The following LAMA2 variants were observed in gnomAD, a reference collection of about 807,000 sequenced individuals.
LAMA2 encodes laminin subunit alpha 2, also known as laminin subunit alpha-2.
LAMA2 carries 269 observed loss-of-function variants against 364.8 expected under a neutral mutation model. The ratio of observed to expected loss-of-function variants is 0.74; its 90% CI spans 0.67 to 0.82. The LOEUF (loss-of-function observed/expected upper bound fraction) is 0.82. Among genes scored for constraint, LAMA2 ranks in the 40% least tolerant of loss-of-function variants. The pLI is 0.00. For missense variants in LAMA2, 3,807 were observed against 3,873.2 expected (o/e 0.98, Z 0.45); for synonymous variants, 1,379 against 1,370.6 (o/e 1.01, Z -0.14).
intron 35 of LAMA2, among the ~76,000 whole-genome samples, chr6:129,389,485 C>G (rs183834518): frequency 6.6e-6 from 1 of 152,116 alleles, no homozygotes; most frequent in African/African-American, 2.4e-5. Flanking sequence ...ATCTGGCATC[C>G]CTTTTATAAG....
chr6:129,321,885 G>T (rs1216370940), intron 28 of LAMA2, among the ~76,000 whole-genome samples: 1 of 152,120 alleles, frequency 6.6e-6, no homozygotes, highest in African/African-American at 2.4e-5. Flanking sequence ...ATCATGAAAA[G>T]AAAAAGGAAT....
intron 12 of LAMA2, among the ~76,000 whole-genome samples, chr6:129,213,995 T>A (rs1029036169): frequency 3.3e-5 from 5 of 152,210 alleles, no homozygotes; most frequent in African/African-American, 1.2e-4. Flanking sequence ...TTTTATATGA[T>A]CCATTTTGAG....
chr6:129,198,861 T>C (rs938499360), intron 12 of LAMA2, among the ~76,000 whole-genome samples: 1 of 152,144 alleles, frequency 6.6e-6, no homozygotes, highest in Admixed American at 6.5e-5. Context: ...AGTAATTGAA[T>C]CAGCAGTCAA....
chr6:128,917,770 G>T (rs1322911037), intron 1 of LAMA2, among the ~76,000 whole-genome samples: 1 of 109,590 alleles, frequency 9.1e-6, no homozygotes, highest in African/African-American at 3.7e-5. Context: ...CTCTTACTCC[G>T]TTGCCCAGGC....
At position 128,965,407 on chromosome 6, in the gene LAMA2, T is replaced by A. The variant is rs192585864; in HGVS notation, c.112+82050T>A. ...TGTGTATTTTAGAAAACACAAATTC[T>A]GTTATATTCCAGGAGGAAGGAAATT... On this transcript the variant is annotated intron_variant, in intron 1 of 64. Transcript: ENST00000421865. Among the ~76,000 whole-genome samples, 236 of 152,236 alleles carry A rather than the reference T, an allele frequency of 1.6e-3. 2 individuals are homozygous for A. The highest frequency in any genetic ancestry group is 5.3e-3 in the African/African-American group (222 of 41,592).
intron 1 of LAMA2, among the ~76,000 whole-genome samples, chr6:128,913,841 A>G (rs567107275): frequency 6.6e-6 from 1 of 152,280 alleles, no homozygotes; most frequent in African/African-American, 2.4e-5. Flanking sequence ...AGGGAAAAGA[A>G]AATTCGTCTG....
chr6:129,235,214 C>T (rs910804729), intron 12 of LAMA2, among the ~76,000 whole-genome samples: 1 of 152,050 alleles, frequency 6.6e-6, no homozygotes, highest in African/African-American at 2.4e-5. Context: ...TATTTCAGTA[C>T]GTAGAGTTTG....
chr6:129,411,696 A>C (rs1780548327), intron 40 of LAMA2, among the ~76,000 whole-genome samples: 1 of 152,160 alleles, frequency 6.6e-6, no homozygotes, highest in African/African-American at 2.4e-5. Flanking sequence ...GATAAGAAGC[A>C]CTGAACTACT....
chr6:129,133,818 G>C (rs368111713), intron 4 of LAMA2, among the ~76,000 whole-genome samples: 3 of 151,982 alleles, frequency 2.0e-5, no homozygotes, highest in Admixed American at 6.6e-5. Flanking sequence ...TATTTATACA[G>C]CTTTTCATTT....
chr6:128,969,691 A>G (rs1174430467), intron 1 of LAMA2, among the ~76,000 whole-genome samples: 1 of 152,176 alleles, frequency 6.6e-6, no homozygotes, highest in Non-Finnish European at 1.5e-5. Flanking sequence ...TAGACCTCCC[A>G]AAGTGCTGGG....
intron 37 of LAMA2, among the ~76,000 whole-genome samples, chr6:129,398,181 T>C (rs1562527496): frequency 1.3e-5 from 2 of 152,224 alleles, no homozygotes; most frequent in Non-Finnish European, 2.9e-5. Context: ...TTGTAAAAGA[T>C]TCTTGTGTTT....
At chr6:129,033,141 T>G (rs1786356040) in intron 1 of LAMA2, among the ~76,000 whole-genome samples, 1 of 151,432 alleles carries the variant, frequency 6.6e-6, no homozygotes, top group African/African-American at 2.4e-5. Flanking sequence ...TGGAAGTGGG[T>G]AAGATTTGGG....
intron 35 of LAMA2, among the ~76,000 whole-genome samples, chr6:129,388,782 A>G (rs888614192): frequency 3.2e-4 from 48 of 152,192 alleles, no homozygotes; most frequent in African/African-American, 1.1e-3. Context: ...CTTCATTTTA[A>G]AAAGTGAGTA....
At chr6:128,893,337 C>T (rs1219399416) in intron 1 of LAMA2, among the ~76,000 whole-genome samples, 1 of 151,682 alleles carries the variant, frequency 6.6e-6, no homozygotes, top group African/African-American at 2.4e-5. Flanking sequence ...AAGTTTTGCT[C>T]CACCCCCTTT....
At chr6:129,400,338 T>C (rs2326816) in intron 37 of LAMA2, among the ~76,000 whole-genome samples, 85,385 of 152,028 alleles carry the variant, frequency 0.56, 24,468 homozygotes, top group African/African-American at 0.67. Context: ...CTTTACTTAT[T>C]CAATTTCCCA....
intron 1 of LAMA2, among the ~76,000 whole-genome samples, chr6:129,034,179 TATG>T (rs899520891): frequency 6.6e-6 from 1 of 152,134 alleles, no homozygotes; most frequent in South Asian, 2.1e-4. Context: ...AAACTCTAGA[TATG>T]ATGTTTTGCT....
chr6:129,282,456 GT>G (rs1583409513), intron 18 of LAMA2, among the ~76,000 whole-genome samples: 2 of 152,176 alleles, frequency 1.3e-5, no homozygotes, highest in East Asian at 3.9e-4. Flanking sequence ...ATTTCAAGTT[GT>G]TTTCTTCTCC....
intron 1 of LAMA2, among the ~76,000 whole-genome samples, chr6:128,990,899 C>G (rs1408418342): frequency 6.6e-6 from 1 of 151,932 alleles, no homozygotes; most frequent in East Asian, 1.9e-4. Flanking sequence ...CAGCACATGT[C>G]CCTGTATTTA....
At chr6:129,514,317 A>C in intron 63 of LAMA2, 56 bp from the exon 64 acceptor site, 1 of 1,227,866 alleles carries the variant, frequency 8.1e-7, no homozygotes, top group Non-Finnish European at 1.2e-6. Context: ...TGTGTGAACC[A>C]TCATGATACT....
Sources: gnomAD v4.1 joint callset for allele counts (sites outside exome capture counted in the v4.1 genomes callset) on GRCh38, gnomAD v4.1.1 for gene constraint, MANE v1.5 for transcripts, NCBI Gene and HGNC (gene_info 2026-07-23, HGNC 2026-07-21) for gene names.